Variants in LRRC52 observed in about 807,000 individuals in gnomAD.
LRRC52 encodes the protein leucine rich repeat containing 52.
In LRRC52, 15 loss-of-function variants were observed where a neutral mutation model predicts 14.7. That is an observed-to-expected ratio of 1.02 (90% CI 0.68 to 1.58). The LOEUF (loss-of-function observed/expected upper bound fraction) is 1.58, where lower values mean the gene tolerates loss of function less well. Among genes scored for constraint, LRRC52 ranks in the 40% most tolerant of loss-of-function variants. The probability of loss-of-function intolerance (pLI) is 0.00; values close to 1 mark genes in which losing one functional copy is unlikely to be tolerated. For missense variants in LRRC52, 400 were observed against 387.7 expected, an observed-to-expected ratio of 1.03 and a Z score of -0.27; for synonymous variants, 180 against 163.9, an observed-to-expected ratio of 1.10 and a Z score of -0.75.
rs528811502 is a variant in LRRC52, at chr1:165,547,705, C to T, written c.622+2787C>T. Reference sequence around the variant, plus strand: ...ATATAAATACATACTTACATACCCACACGTATATACCATTTATACATACAT... The same window carrying T: ...ATATAAATACATACTTACATACCCATACGTATATACCATTTATACATACAT... On this transcript the variant is annotated intron_variant, in intron 1 of 1. Transcript: ENST00000294818. Among the ~76,000 whole-genome samples the T allele has an allele frequency of 2.0e-5, 3 of 152,308 alleles. No individual in the cohort carries two copies. The South Asian group carries it at 6.2e-4, about 32-fold the overall frequency.
At chr1:165,563,460 A>T in intron 1 of LRRC52, 45 bp from the exon 2 acceptor site, 1 of 1,549,606 alleles carries the variant, frequency 6.5e-7, no homozygotes, top group South Asian at 1.2e-5. Context: ...GGACGCTGGG[A>T]GTCACGCTGT....
intron 1 of LRRC52, among the ~76,000 whole-genome samples, chr1:165,554,556 C>A (rs1661197651): frequency 6.6e-6 from 1 of 152,138 alleles, no homozygotes; most frequent in African/African-American, 2.4e-5. Flanking sequence ...TGATCCTCAG[C>A]ATCCCCAGGA....
At chr1:165,560,066 G>A (rs1661311995) in intron 1 of LRRC52, among the ~76,000 whole-genome samples, 1 of 152,192 alleles carries the variant, frequency 6.6e-6, no homozygotes, top group Non-Finnish European at 1.5e-5. Context: ...GAAGAAACCA[G>A]GGCACCTGGA....
chr1:165,560,315 T>A (rs1375135935), intron 1 of LRRC52, among the ~76,000 whole-genome samples: 2 of 152,206 alleles, frequency 1.3e-5, no homozygotes, highest in Non-Finnish European at 2.9e-5. Context: ...TTCTATAGAA[T>A]TAAACCAGAA....
At chr1:165,562,947 G>T (rs766386464) in intron 1 of LRRC52, among the ~76,000 whole-genome samples, 1 of 152,068 alleles carries the variant, frequency 6.6e-6, no homozygotes, top group Non-Finnish European at 1.5e-5. Context: ...GGAGAATCTC[G>T]TCTCCTGAAG....
At position 165,546,060 on chromosome 1, in the gene LRRC52, G is replaced by A. The variant is rs2101822689; in HGVS notation, c.622+1142G>A. Among the ~76,000 whole-genome samples the A allele has an allele frequency of 2.0e-5, 3 of 152,218 alleles. No individual in the cohort carries two copies. In the Middle Eastern group the frequency reaches 0.01, roughly 518 times the overall value. On this transcript the variant is annotated intron_variant, in intron 1 of 1. Transcript: ENST00000294818. ...TGGCCAGAATGACAGACTTCAAGGA[G>A]AACTGGGGGAGAGAGAATCAAGTGG...
chr1:165,547,447 CCTGTA>C (rs1255919297), intron 1 of LRRC52, among the ~76,000 whole-genome samples: 1 of 152,076 alleles, frequency 6.6e-6, no homozygotes, highest in Non-Finnish European at 1.5e-5. Flanking sequence ...CATTGATATG[CCTGTA>C]CTTCCCTTGC....
At chr1:165,556,398 T>C (rs564970958) in intron 1 of LRRC52, among the ~76,000 whole-genome samples, 1 of 151,942 alleles carries the variant, frequency 6.6e-6, no homozygotes, top group African/African-American at 2.4e-5. Flanking sequence ...GGGGGGGAAA[T>C]TGTGAATACC....
chr1:165,548,656 C>G (rs1484990819), intron 1 of LRRC52, among the ~76,000 whole-genome samples: 1 of 152,158 alleles, frequency 6.6e-6, no homozygotes, highest in Non-Finnish European at 1.5e-5. Context: ...TGACTATCTG[C>G]AGGATATAAG....
chr1:165,554,356 C>A (rs895827138), intron 1 of LRRC52, among the ~76,000 whole-genome samples: 1 of 151,996 alleles, frequency 6.6e-6, no homozygotes, highest in Non-Finnish European at 1.5e-5. Context: ...TTGAGGGGGA[C>A]GTTAAAGCTT....
At chr1:165,556,609 T>A (rs910655596) in intron 1 of LRRC52, among the ~76,000 whole-genome samples, 1 of 152,086 alleles carries the variant, frequency 6.6e-6, no homozygotes, top group Non-Finnish European at 1.5e-5. Context: ...TGCAAAAGGA[T>A]GGGAAAGCTG....
chr1:165,548,324 A>G (rs1661064708), intron 1 of LRRC52, among the ~76,000 whole-genome samples: 1 of 152,184 alleles, frequency 6.6e-6, no homozygotes. Flanking sequence ...CCATTTATCT[A>G]TTTAAATACT....
At chr1:165,547,835 C>T (rs570376417) in intron 1 of LRRC52, among the ~76,000 whole-genome samples, 1 of 152,278 alleles carries the variant, frequency 6.6e-6, no homozygotes, top group South Asian at 2.1e-4. Flanking sequence ...GTTGAACACA[C>T]ATACAGTAAA....
chr1:165,553,591 G>A (rs1301575440), intron 1 of LRRC52, among the ~76,000 whole-genome samples: 1 of 152,204 alleles, frequency 6.6e-6, no homozygotes, highest in African/African-American at 2.4e-5. Context: ...GATGGAAAGA[G>A]TCGATGCAGA....
intron 1 of LRRC52, among the ~76,000 whole-genome samples, chr1:165,552,266 C>T (rs544551006): frequency 3.7e-4 from 57 of 152,302 alleles, no homozygotes; most frequent in Middle Eastern, 6.8e-3. Context: ...ATTTCTACAC[C>T]TGGCCCCTCA....
chr1:165,560,404 C>A (rs1195430054), intron 1 of LRRC52, among the ~76,000 whole-genome samples: 4 of 152,156 alleles, frequency 2.6e-5, no homozygotes, highest in Non-Finnish European at 5.9e-5. Flanking sequence ...ACAATTCAGT[C>A]AATGAATGAT....
intron 1 of LRRC52, among the ~76,000 whole-genome samples, chr1:165,554,964 G>A (rs1380283999): frequency 6.6e-6 from 1 of 152,196 alleles, no homozygotes; most frequent in African/African-American, 2.4e-5. Context: ...CATTTACAAA[G>A]AGGTAAGGAG....
chr1:165,553,619 CAAGA>C (rs1424342379), intron 1 of LRRC52, among the ~76,000 whole-genome samples: 5 of 152,070 alleles, frequency 3.3e-5, no homozygotes, highest in Admixed American at 2.0e-4. Context: ...GACAAAGATA[CAAGA>C]AAGAGGGGAA....
At chr1:165,557,167 C>A (rs1164938822) in intron 1 of LRRC52, among the ~76,000 whole-genome samples, 3 of 152,184 alleles carry the variant, frequency 2.0e-5, no homozygotes, top group Admixed American at 2.0e-4. Flanking sequence ...ATGTCTGCAG[C>A]AGTTTGTCCT....
Sources: gnomAD v4.1 joint callset for allele counts (sites outside exome capture counted in the v4.1 genomes callset) on GRCh38, gnomAD v4.1.1 for gene constraint, MANE v1.5 for transcripts, NCBI Gene and HGNC (gene_info 2026-07-23, HGNC 2026-07-21) for gene names.